The following CHEK1 variants were observed in gnomAD, a reference collection of about 807,000 sequenced individuals.
CHEK1 encodes the protein checkpoint kinase 1.
A neutral mutation model predicts 60.2 loss-of-function variants in CHEK1; 32 were observed. The observed-to-expected ratio is 0.53, with a 90% CI of 0.40 to 0.71. The LOEUF is 0.71. CHEK1 is among the 30% of genes least tolerant of loss of function. The pLI is 0.00. For missense variants in CHEK1, 399 were observed against 564.6 expected (o/e 0.71, Z 2.97); for synonymous variants, 179 against 187.2 (o/e 0.96, Z 0.36).
intron 13 of CHEK1, among the ~76,000 whole-genome samples, chr11:125,665,869 C>CTTTTTTT (rs66560397): frequency 0.013 from 405 of 30,378 alleles, 3 homozygotes; most frequent in Non-Finnish European, 0.015. Flanking sequence ...CTTCATTCCC[C>CTTTTTTT]TTTTTTTTTT....
chr11:125,680,948 G>T (rs1037314834), downstream of CHEK1: 2 of 594,864 alleles, frequency 3.4e-6, no homozygotes, highest in Non-Finnish European at 5.9e-6. Flanking sequence ...TGAGGTTCTT[G>T]TGTAGCCTGT....
intron 6 of CHEK1, among the ~76,000 whole-genome samples, chr11:125,634,269 T>G (rs1299363): frequency 6.6e-6 from 1 of 151,622 alleles, no homozygotes; most frequent in African/African-American, 2.4e-5. Flanking sequence ...TGCTGTTTTT[T>G]GGGTTTTTTG....
Position 125,656,005 on chromosome 11 carries a change from A to G in CHEK1, c.*685A>G. The G allele has an allele frequency of 3.3e-5, 7 of 209,222 alleles. No individual in the cohort carries two copies. Among genetic ancestry groups the G allele is most frequent in the Non-Finnish European group, 5.8e-5 (6 of 103,048 alleles). 13.0% of individuals were successfully genotyped at this position (209,222 alleles called of 1,614,324 possible). On this transcript the variant is annotated 3_prime_UTR_variant, in exon 13 of 13. Transcript: ENST00000438015. ...TGTTGAACATCTTAAATATTTTTCT[A>G]TATTTTCTACTTTCATAGCCATATT...
At chr11:125,628,739 G>A (rs925522283) in intron 3 of CHEK1, among the ~76,000 whole-genome samples, 2 of 152,006 alleles carry the variant, frequency 1.3e-5, no homozygotes, top group Admixed American at 1.3e-4. Flanking sequence ...ATGATCTCAC[G>A]CCAGGGCACT....
intron 11 of CHEK1, among the ~76,000 whole-genome samples, chr11:125,652,565 G>A (rs1261915169): frequency 6.6e-6 from 1 of 152,096 alleles, no homozygotes; most frequent in Non-Finnish European, 1.5e-5. Flanking sequence ...TCAATCCCTA[G>A]GAGCTGCACC....
chr11:125,658,485 G>T (rs1332992992), downstream of CHEK1, among the ~76,000 whole-genome samples: 1 of 151,848 alleles, frequency 6.6e-6, no homozygotes, highest in Non-Finnish European at 1.5e-5. Context: ...CAATTTACAT[G>T]TATTGAATAT....
At chr11:125,658,605 G>A (rs1458331011), downstream of CHEK1, among the ~76,000 whole-genome samples, 1 of 149,976 alleles carries the variant, frequency 6.7e-6, no homozygotes, top group African/African-American at 2.5e-5. Flanking sequence ...TTGTATTAAA[G>A]GAGTCATTCA....
intron 12 of CHEK1, among the ~76,000 whole-genome samples, 163 bp downstream of exon 12, chr11:125,654,010 G>GT (rs1205072854): frequency 1.3e-5 from 2 of 151,660 alleles, no homozygotes; most frequent in African/African-American, 2.4e-5. Context: ...CCCGAACATT[G>GT]TTTTTTTCAA....
downstream of CHEK1, chr11:125,680,849 C>T (rs759655157): frequency 5.9e-5 from 78 of 1,317,202 alleles, 1 homozygote; most frequent in Non-Finnish European, 7.9e-5. Context: ...AAGCAAACTG[C>T]GAGCAAAAGC....
chr11:125,627,324 T>C (rs966342382), intron 2 of CHEK1, among the ~76,000 whole-genome samples: 18 of 152,218 alleles, frequency 1.2e-4, no homozygotes, highest in African/African-American at 4.1e-4. Context: ...GAGTAGAACA[T>C]GTATATATGT....
In CHEK1 at chr11:125,653,232, T is replaced by C. The variant is rs1248559742; in HGVS notation, c.1234-514T>C. ...TGCTTGGCTTTTTGTTTTGTTTTTT[T>C]GAGACAGGGTCTCGCTCTGTCGCCC... On this transcript the variant is annotated intron_variant, in intron 11 of 12. Transcript: ENST00000438015. This position sits in a 1 kb window ranked among gnomAD's most constrained non-coding sequence, Gnocchi z 4.3. Among the ~76,000 whole-genome samples the C allele has an allele frequency of 6.6e-6, 1 of 152,214 alleles. No individual in the cohort carries two copies. Among genetic ancestry groups the C allele is most frequent in the Non-Finnish European group, 1.5e-5 (1 of 68,026 alleles).
intron 11 of CHEK1, among the ~76,000 whole-genome samples, chr11:125,650,477 A>G (rs1461281966): frequency 1.1e-4 from 9 of 83,836 alleles, no homozygotes; most frequent in Admixed American, 8.7e-4. Flanking sequence ...TTTTTTTGAG[A>G]CGGAGCTTTG....
chr11:125,637,802 C>T (rs762992546), intron 8 of CHEK1, among the ~76,000 whole-genome samples: 7 of 152,150 alleles, frequency 4.6e-5, no homozygotes, highest in Non-Finnish European at 1.0e-4. Flanking sequence ...TACATTAAAT[C>T]TAAGATTTGA....
intron 1 of CHEK1, 91 bp from the exon 2 acceptor site, chr11:125,626,658 T>A: frequency 8.9e-7 from 1 of 1,124,798 alleles, no homozygotes; most frequent in Non-Finnish European, 1.3e-6. Flanking sequence ...AGCTGTTAAT[T>A]TTCGTGGGCA....
At chr11:125,635,182 C>G (rs957527093) in intron 6 of CHEK1, among the ~76,000 whole-genome samples, 5 of 152,050 alleles carry the variant, frequency 3.3e-5, no homozygotes, top group Admixed American at 3.3e-4. Context: ...TGGTCTTGAA[C>G]TCCTGGGCTC....
chr11:125,673,050 C>T (rs909147096), intron 13 of CHEK1, among the ~76,000 whole-genome samples: 22 of 152,032 alleles, frequency 1.4e-4, no homozygotes, highest in Admixed American at 1.3e-4. Flanking sequence ...GCCTATCCTC[C>T]TCACCTTGGC....
At chr11:125,628,536 A>G (rs1189188977) in intron 3 of CHEK1, among the ~76,000 whole-genome samples, 1 of 152,192 alleles carries the variant, frequency 6.6e-6, no homozygotes, top group Admixed American at 6.5e-5. Context: ...TCAAAATATA[A>G]AAAGATAACT....
chr11:125,649,594 G>A (rs1941630447), intron 11 of CHEK1, among the ~76,000 whole-genome samples: 2 of 152,034 alleles, frequency 1.3e-5, no homozygotes, highest in South Asian at 4.1e-4. Flanking sequence ...GGGCGTTGTG[G>A]TGTGCACCTG....
intron 5 of CHEK1, among the ~76,000 whole-genome samples, chr11:125,630,089 C>G (rs1025913601): frequency 6.6e-6 from 1 of 152,084 alleles, no homozygotes; most frequent in Non-Finnish European, 1.5e-5. Context: ...TACCCTGGAC[C>G]TTAGTCTTGT....
Sources: allele counts gnomAD v4.1 joint callset (sites outside exome capture counted in the v4.1 genomes callset), GRCh38; gene constraint gnomAD v4.1.1; non-coding constraint Gnocchi (gnomAD v3.1); transcripts MANE v1.5; gene names NCBI Gene and HGNC (gene_info 2026-07-23, HGNC 2026-07-21).